ARHGAP10: variants seen among roughly 807,000 people sequenced by gnomAD.
The protein encoded by ARHGAP10 is rho GTPase-activating protein 10.
ARHGAP10 carries 87 observed loss-of-function variants against 108.6 expected under a neutral mutation model. The observed-to-expected ratio is 0.80, with a 90% confidence interval of 0.67 to 0.96. The LOEUF (loss-of-function observed/expected upper bound fraction) is 0.96, where lower values mean the gene tolerates loss of function less well. ARHGAP10 is among the 40% of genes least tolerant of loss of function. ARHGAP10 has a pLI of 0.00. For synonymous variants in ARHGAP10, 347 were observed against 341.1 expected (o/e 1.02, Z -0.19); for missense variants, 939 against 954.5 (o/e 0.98, Z 0.21).
At chr4:148,039,193 A>G (rs1728512502) in intron 19 of ARHGAP10, among the ~76,000 whole-genome samples, 1 of 152,018 alleles carries the variant, frequency 6.6e-6, no homozygotes, top group Non-Finnish European at 1.5e-5. Flanking sequence ...TCTTTTATTT[A>G]AATACTTAAG....
At chr4:147,954,078 C>A (rs967959187) in intron 15 of ARHGAP10, among the ~76,000 whole-genome samples, 8 of 151,906 alleles carry the variant, frequency 5.3e-5, no homozygotes, top group African/African-American at 1.7e-4. Flanking sequence ...GTGTCTTAAA[C>A]CCTTTTTATT....
At chr4:148,012,614 A>C (rs1269621656) in intron 18 of ARHGAP10, among the ~76,000 whole-genome samples, 1 of 152,160 alleles carries the variant, frequency 6.6e-6, no homozygotes, top group Non-Finnish European at 1.5e-5. Flanking sequence ...CCTGTGTCCT[A>C]ATGTGTTTAG....
intron 18 of ARHGAP10, among the ~76,000 whole-genome samples, chr4:147,987,618 AG>A (rs750939945): frequency 8.5e-5 from 13 of 152,194 alleles, no homozygotes; most frequent in Non-Finnish European, 1.9e-4. Context: ...ATGAATTATC[AG>A]ACTGCGATCT....
chr4:147,790,308 A>G (rs575063072), intron 1 of ARHGAP10, among the ~76,000 whole-genome samples: 2 of 151,942 alleles, frequency 1.3e-5, no homozygotes, highest in East Asian at 3.9e-4. Context: ...AACTTAATCA[A>G]CTCCCAGAGG....
At chr4:147,745,738 G>A (rs1400907364) in intron 1 of ARHGAP10, among the ~76,000 whole-genome samples, 6 of 151,248 alleles carry the variant, frequency 4.0e-5, no homozygotes, top group African/African-American at 1.5e-4. Context: ...TGATCTGCCC[G>A]CCTCGGCCTC....
intron 19 of ARHGAP10, among the ~76,000 whole-genome samples, chr4:148,038,378 T>C (rs1728474105): frequency 6.6e-6 from 1 of 152,222 alleles, no homozygotes. Context: ...TTATACTAAT[T>C]AGCCAAACAA....
intron 20 of ARHGAP10, 108 bp from the exon 21 acceptor site, chr4:148,063,040 G>A: frequency 7.3e-7 from 1 of 1,363,086 alleles, no homozygotes. Context: ...TACTGGTCAG[G>A]CATGATAGGG....
chr4:147,907,544 G>A (rs1736545179), intron 11 of ARHGAP10, among the ~76,000 whole-genome samples: 1 of 152,228 alleles, frequency 6.6e-6, no homozygotes, highest in Non-Finnish European at 1.5e-5. Flanking sequence ...GAGGGATCAT[G>A]TAGAGCAGAA....
At chr4:147,867,405 C>A (rs573178119) in intron 7 of ARHGAP10, among the ~76,000 whole-genome samples, 1 of 152,136 alleles carries the variant, frequency 6.6e-6, no homozygotes, top group Admixed American at 6.5e-5. Flanking sequence ...ATCCTGGAAG[C>A]GTCCTCACTG....
chr4:147,995,064 G>A (rs1362059889), intron 18 of ARHGAP10, among the ~76,000 whole-genome samples: 4 of 152,168 alleles, frequency 2.6e-5, no homozygotes, highest in Non-Finnish European at 5.9e-5. Context: ...TTTTTTGGAA[G>A]TCTATGTGTT....
chr4:147,795,700 A>AT (rs112329446), intron 1 of ARHGAP10, among the ~76,000 whole-genome samples: 2,007 of 142,770 alleles, frequency 0.014, 35 homozygotes, highest in African/African-American at 0.043. Flanking sequence ...ATTTAATTTA[A>AT]TTTTTTTTTT....
chr4:147,797,433 T>G (rs1466680463), intron 1 of ARHGAP10, among the ~76,000 whole-genome samples: 2 of 152,010 alleles, frequency 1.3e-5, no homozygotes, highest in African/African-American at 2.4e-5. Context: ...TTTGTTTTGT[T>G]TTTGTTTTTT....
intron 18 of ARHGAP10, among the ~76,000 whole-genome samples, chr4:147,973,252 A>G (rs990879311): frequency 6.6e-6 from 1 of 152,204 alleles, no homozygotes; most frequent in Non-Finnish European, 1.5e-5. Context: ...CCTGAGTTTT[A>G]CATGGCTCAC....
In ARHGAP10 at chr4:148,072,276, G is replaced by A; in HGVS notation, c.*195G>A. 2 of 465,552 alleles carry A rather than the reference G, an allele frequency of 4.3e-6. No individual in the cohort carries two copies. The highest frequency in any genetic ancestry group is 7.5e-6 in the Non-Finnish European group (2 of 266,802). 28.8% of individuals were successfully genotyped at this position (465,552 alleles called of 1,614,324 possible). A position where few individuals can be genotyped will look rare whatever the true frequency, so the allele number is the denominator to read the frequency against. ...ACGCACCACACAGAACTGTGATTGT[G>A]GATCAGGAGGGGAATGTCAGGATTC... On this transcript the variant is annotated 3_prime_UTR_variant, in exon 23 of 23. Coordinates refer to ENST00000336498, the MANE Select transcript of ARHGAP10 (RefSeq NM_024605.4).
chr4:148,009,873 G>GTCC (rs767479578), intron 18 of ARHGAP10, among the ~76,000 whole-genome samples: 1 of 152,166 alleles, frequency 6.6e-6, no homozygotes, highest in Non-Finnish European at 1.5e-5. Context: ...TGTTGGAAGC[G>GTCC]TAGGTGACTT....
chr4:147,985,402 C>G (rs1250866458), intron 18 of ARHGAP10, among the ~76,000 whole-genome samples: 1 of 152,120 alleles, frequency 6.6e-6, no homozygotes, highest in Non-Finnish European at 1.5e-5. Flanking sequence ...GGAGGCTGGG[C>G]ACCCAGCAGG....
intron 22 of ARHGAP10, among the ~76,000 whole-genome samples, chr4:148,066,523 G>C (rs917786023): frequency 1.3e-5 from 2 of 152,184 alleles, no homozygotes; most frequent in Admixed American, 6.5e-5. Flanking sequence ...AGATGATTTG[G>C]AGTCTTCCTA....
At chr4:147,830,652 T>G (rs1732921517) in intron 3 of ARHGAP10, among the ~76,000 whole-genome samples, 4 of 152,050 alleles carry the variant, frequency 2.6e-5, no homozygotes, top group Non-Finnish European at 5.9e-5. Context: ...CTTGAGCAGC[T>G]GGGACTATAG....
intron 13 of ARHGAP10, among the ~76,000 whole-genome samples, chr4:147,924,535 A>G (rs1737379093): frequency 6.6e-6 from 1 of 152,212 alleles, no homozygotes; most frequent in Non-Finnish European, 1.5e-5. Flanking sequence ...TGACAATGGT[A>G]TATTTTCAAG....
Sources: allele counts gnomAD v4.1 joint callset (sites outside exome capture counted in the v4.1 genomes callset), GRCh38; gene constraint gnomAD v4.1.1; transcripts MANE v1.5; gene names NCBI Gene and HGNC (gene_info 2026-07-23, HGNC 2026-07-21).